CCL26: variants seen among roughly 807,000 people sequenced by gnomAD.
The protein encoded by CCL26 is C-C motif chemokine 26.
CCL26 carries 10 observed loss-of-function variants against 10.7 expected under a neutral mutation model. The observed-to-expected ratio is 0.93, with a 90% CI of 0.57 to 1.58. The LOEUF (loss-of-function observed/expected upper bound fraction) is 1.58. Among genes scored for constraint, CCL26 ranks in the 40% most tolerant of loss-of-function variants. The pLI, the probability that CCL26 is intolerant of heterozygous loss-of-function variation, is 0.00. For synonymous variants in CCL26, 43 were observed against 41.4 expected, an observed-to-expected ratio of 1.04 and a Z score of -0.15; for missense variants, 116 against 111.0, an observed-to-expected ratio of 1.05 and a Z score of -0.20.
intron 1 of CCL26, among the ~76,000 whole-genome samples, chr7:75,777,339 T>G (rs1343043762): frequency 6.6e-6 from 1 of 152,190 alleles, no homozygotes; most frequent in Non-Finnish European, 1.5e-5. Flanking sequence ...GACCCTCATG[T>G]CTGTCAATAG....
At chr7:75,780,389 CCT>C (rs1803036758) in intron 1 of CCL26, among the ~76,000 whole-genome samples, 2 of 152,094 alleles carry the variant, frequency 1.3e-5, no homozygotes, top group African/African-American at 4.8e-5. Flanking sequence ...ACCCTCCATT[CCT>C]CTCTCTTCTC....
chr7:75,789,522 G>A (rs1466254630), intron 1 of CCL26, among the ~76,000 whole-genome samples: 3 of 147,700 alleles, frequency 2.0e-5, no homozygotes, highest in South Asian at 2.1e-4. Flanking sequence ...GCTGCCTACA[G>A]CATGTCAGAC....
chr7:75,788,848 G>C (rs1803259991), intron 1 of CCL26, among the ~76,000 whole-genome samples: 1 of 151,998 alleles, frequency 6.6e-6, no homozygotes, highest in East Asian at 1.9e-4. Flanking sequence ...CCTTTATCTG[G>C]GTGCTGGTTC....
upstream of CCL26, chr7:75,790,005 C>CCTCG (rs1329396061): frequency 7.1e-6 from 1 of 140,048 alleles, no homozygotes; most frequent in Non-Finnish European, 1.6e-5. Flanking sequence ...GTTCTCCCTC[C>CCTCG]CTCCCTCCCT....
chr7:75,779,998 C>A (rs2115671351), intron 1 of CCL26, among the ~76,000 whole-genome samples: 1 of 151,294 alleles, frequency 6.6e-6, no homozygotes, highest in South Asian at 2.1e-4. Context: ...CACCTCCTAC[C>A]CCTTTTCCAC....
intron 1 of CCL26, among the ~76,000 whole-genome samples, chr7:75,783,454 G>A (rs1803110102): frequency 6.6e-6 from 1 of 152,104 alleles, no homozygotes; most frequent in Admixed American, 6.6e-5. Flanking sequence ...TTTCCTGCCA[G>A]GTTGAAGGGC....
intron 2 of CCL26, among the ~76,000 whole-genome samples, chr7:75,770,883 C>T (rs1786700297): frequency 6.6e-6 from 1 of 152,158 alleles, no homozygotes; most frequent in South Asian, 2.1e-4. Flanking sequence ...GGATATAATT[C>T]ACACGGCACA....
At chr7:75,782,266 T>C (rs1803081660) in intron 1 of CCL26, among the ~76,000 whole-genome samples, 1 of 152,188 alleles carries the variant, frequency 6.6e-6, no homozygotes, top group African/African-American at 2.4e-5. Flanking sequence ...AGTCACGGAC[T>C]CGGGAAGGCA....
chr7:75,780,026 AC>A (rs1400445806), intron 1 of CCL26, among the ~76,000 whole-genome samples: 5 of 129,230 alleles, frequency 3.9e-5, no homozygotes, highest in Non-Finnish European at 6.4e-5. Flanking sequence ...GGGGGCAAGC[AC>A]CCCCCACCCC....
chr7:75,775,833 C>A (rs1182670015), upstream of CCL26, among the ~76,000 whole-genome samples: 3 of 135,714 alleles, frequency 2.2e-5, no homozygotes, highest in African/African-American at 9.1e-5. Context: ...CTGAACTTTC[C>A]TTTTTTTAGT....
chr7:75,775,209 A>C (rs140463933), upstream of CCL26, among the ~76,000 whole-genome samples: 1,609 of 152,070 alleles, frequency 0.011, 31 homozygotes, highest in African/African-American at 0.035. Flanking sequence ...ACAGGGCGAG[A>C]CTCCATTTCA....
At chr7:75,771,780 G>A in intron 2 of CCL26, 109 bp downstream of exon 2, 1 of 732,600 alleles carries the variant, frequency 1.4e-6, no homozygotes, top group Non-Finnish European at 2.5e-6. Flanking sequence ...AGTGTGCAGA[G>A]GTGGGGTTTC....
upstream of CCL26, among the ~76,000 whole-genome samples, chr7:75,772,414 T>C (rs1425377336): frequency 6.6e-6 from 1 of 152,188 alleles, no homozygotes; most frequent in Non-Finnish European, 1.5e-5. Context: ...CACAGCACTC[T>C]GGGAGACCGA....
At chr7:75,780,392 C>T (rs534789730) in intron 1 of CCL26, among the ~76,000 whole-genome samples, 1 of 152,272 alleles carries the variant, frequency 6.6e-6, no homozygotes, top group Admixed American at 6.5e-5. Context: ...CTCCATTCCT[C>T]TCTCTTCTCC....
chr7:75,787,264 C>T (rs1388594988), intron 1 of CCL26, among the ~76,000 whole-genome samples: 1 of 152,144 alleles, frequency 6.6e-6, no homozygotes, highest in South Asian at 2.1e-4. Context: ...AGCAGTTTCT[C>T]AGGCTCTTGG....
At chr7:75,778,785 G>A (rs1256222813) in intron 1 of CCL26, among the ~76,000 whole-genome samples, 15 of 151,826 alleles carry the variant, frequency 9.9e-5, no homozygotes, top group African/African-American at 3.4e-4. Context: ...ATCTTTAAAG[G>A]ATGGGAGTCA....
intron 1 of CCL26, among the ~76,000 whole-genome samples, chr7:75,787,681 C>G (rs1205988001): frequency 5.6e-5 from 5 of 90,070 alleles, no homozygotes; most frequent in African/African-American, 2.1e-4. Flanking sequence ...AAAAGACACA[C>G]CCCCCAAGCT....
intron 1 of CCL26, among the ~76,000 whole-genome samples, chr7:75,787,137 G>C (rs1310102607): frequency 6.6e-6 from 1 of 152,098 alleles, no homozygotes; most frequent in African/African-American, 2.4e-5. Flanking sequence ...TTCCCACAGG[G>C]TCTGAGAAGG....
chr7:75,775,233 C>G (rs7783747), upstream of CCL26, among the ~76,000 whole-genome samples: 1 of 151,248 alleles, frequency 6.6e-6, no homozygotes, highest in African/African-American at 2.4e-5. Flanking sequence ...GGAAAAAAAA[C>G]AAATTCTTTT....
Sources: gnomAD v4.1 joint callset for allele counts (sites outside exome capture counted in the v4.1 genomes callset) on GRCh38, gnomAD v4.1.1 for gene constraint, MANE v1.5 for transcripts, NCBI Gene and HGNC (gene_info 2026-07-23, HGNC 2026-07-21) for gene names.